DLG2: variants seen among roughly 807,000 people sequenced by gnomAD.
The protein encoded by DLG2 is discs large MAGUK scaffold protein 2.
Under a neutral mutation model 132.5 loss-of-function variants are expected in DLG2, and 45 were observed. The ratio of observed to expected loss-of-function variants is 0.34; its 90% confidence interval spans 0.27 to 0.44. DLG2 has a LOEUF of 0.44. Among genes scored for constraint, DLG2 ranks in the 20% least tolerant of loss-of-function variants. DLG2 has a pLI of 1.00. For missense variants in DLG2, 1,045 were observed against 1,196.9 expected (o/e 0.87, Z 1.87); for synonymous variants, 424 against 419.6 (o/e 1.01, Z -0.13).
intron 10 of DLG2, among the ~76,000 whole-genome samples, chr11:84,086,491 C>CTTTT (rs66719037): frequency 9.0e-6 from 1 of 110,498 alleles, no homozygotes; most frequent in African/African-American, 3.3e-5. Context: ...TTCTTTCTTT[C>CTTTT]TTTTTTTTTT....
chr11:85,156,590 G>A (rs1465504453), intron 4 of DLG2, among the ~76,000 whole-genome samples: 1 of 152,076 alleles, frequency 6.6e-6, no homozygotes, highest in Non-Finnish European at 1.5e-5. Flanking sequence ...ATAAATCAGG[G>A]CAGTCAATCT....
chr11:84,279,244 T>G (rs1382176606), intron 7 of DLG2, among the ~76,000 whole-genome samples: 1 of 152,020 alleles, frequency 6.6e-6, no homozygotes, highest in Non-Finnish European at 1.5e-5. Context: ...ATTAGAGAAA[T>G]GCAAATCAAA....
chr11:84,656,876 C>A (rs75586712), intron 6 of DLG2, among the ~76,000 whole-genome samples: 2 of 152,102 alleles, frequency 1.3e-5, no homozygotes, highest in African/African-American at 4.8e-5. Context: ...TCTCTACCCC[C>A]CAACAAGTTT....
intron 3 of DLG2, among the ~76,000 whole-genome samples, chr11:85,436,936 G>A (rs950703887): frequency 3.3e-5 from 5 of 152,188 alleles, no homozygotes; most frequent in African/African-American, 9.7e-5. Flanking sequence ...TAAAGAAAAT[G>A]TGGTACATAT....
intron 10 of DLG2, among the ~76,000 whole-genome samples, chr11:84,093,448 G>A (rs1026987503): frequency 6.6e-6 from 1 of 152,126 alleles, no homozygotes; most frequent in Non-Finnish European, 1.5e-5. Context: ...ACCAGCCTGA[G>A]AAAAGTCTCC....
At chr11:84,638,129 C>A (rs1157639608) in intron 6 of DLG2, among the ~76,000 whole-genome samples, 1 of 152,188 alleles carries the variant, frequency 6.6e-6, no homozygotes. Context: ...TTGTTCAATT[C>A]ATTGTCTTGA....
intron 3 of DLG2, among the ~76,000 whole-genome samples, chr11:85,454,447 A>G (rs1024411247): frequency 3.3e-5 from 5 of 152,132 alleles, no homozygotes; most frequent in African/African-American, 1.2e-4. Flanking sequence ...TGTCAGATAC[A>G]TAGTTTGCAA....
chr11:85,241,942 T>A (rs1160604670), intron 4 of DLG2, among the ~76,000 whole-genome samples: 1 of 151,998 alleles, frequency 6.6e-6, no homozygotes, highest in Non-Finnish European at 1.5e-5. Context: ...CCATAAATTA[T>A]AGGTTTGTTT....
At chr11:83,843,310 C>A (rs1189324413) in intron 16 of DLG2, among the ~76,000 whole-genome samples, 1 of 152,174 alleles carries the variant, frequency 6.6e-6, no homozygotes. Flanking sequence ...ATCTATCTAA[C>A]GAGGTCCTAC....
intron 7 of DLG2, among the ~76,000 whole-genome samples, chr11:84,274,406 C>T (rs2097765851): frequency 6.6e-6 from 1 of 152,142 alleles, no homozygotes; most frequent in African/African-American, 2.4e-5. Flanking sequence ...AAACTCACAG[C>T]ATAATAAATT....
intron 24 of DLG2, 57 bp downstream of exon 24, chr11:83,471,569 C>A: frequency 7.8e-7 from 1 of 1,288,652 alleles, no homozygotes; most frequent in Non-Finnish European, 1.1e-6. Context: ...TTTACCATCT[C>A]ATAAAGAAAT....
chr11:84,044,754 T>C (rs1018985827), intron 11 of DLG2, among the ~76,000 whole-genome samples: 4 of 151,718 alleles, frequency 2.6e-5, no homozygotes, highest in African/African-American at 9.7e-5. Context: ...CAATCACAAG[T>C]TTCAACTACT....
chr11:84,048,201 G>A (rs12285610), intron 11 of DLG2, among the ~76,000 whole-genome samples: 30,676 of 151,302 alleles, frequency 0.2, 3,586 homozygotes, highest in African/African-American at 0.31. Flanking sequence ...ACAGGAGAGC[G>A]GTAATTTAGC....
intron 6 of DLG2, among the ~76,000 whole-genome samples, chr11:85,064,210 C>T (rs2064529669): frequency 6.6e-6 from 1 of 151,744 alleles, no homozygotes; most frequent in African/African-American, 2.4e-5. Context: ...AGTGAAGAAA[C>T]CATGCTATCA....
intron 6 of DLG2, among the ~76,000 whole-genome samples, chr11:84,877,754 G>C (rs2086613812): frequency 6.6e-6 from 1 of 152,012 alleles, no homozygotes; most frequent in Non-Finnish European, 1.5e-5. Context: ...CATAGCAAAA[G>C]AAACTGTCAT....
chr11:84,780,355 A>G (rs373749090), intron 6 of DLG2, among the ~76,000 whole-genome samples: 2 of 152,118 alleles, frequency 1.3e-5, no homozygotes, highest in African/African-American at 4.8e-5. Context: ...AAATTAAAAA[A>G]CTATACATAG....
At chr11:85,173,097 A>G (rs1436221461) in intron 4 of DLG2, among the ~76,000 whole-genome samples, 1 of 152,166 alleles carries the variant, frequency 6.6e-6, no homozygotes, top group African/African-American at 2.4e-5. Context: ...TCGGGCCAAC[A>G]TTCAAATTCA....
In DLG2 at chr11:84,704,684, T is replaced by C. The variant is rs185027678; in HGVS notation, c.358-169953A>G. On this transcript the variant is annotated intron_variant, in intron 6 of 27. Coordinates refer to ENST00000376104, the MANE Select transcript of DLG2 (RefSeq NM_001142699.3). ...AAAAATATGAAAATATGAATAATTT[T>C]ACTATTCAAATGGCTTAACCATTAT... Among the ~76,000 whole-genome samples, 57 of 151,562 alleles carry C rather than the reference T, an allele frequency of 3.8e-4. No individual in the cohort carries two copies. In the East Asian group the frequency reaches 1.0e-2, roughly 26 times the overall value.
At chr11:84,339,324 T>C (rs1384835018) in intron 7 of DLG2, among the ~76,000 whole-genome samples, 1 of 152,222 alleles carries the variant, frequency 6.6e-6, no homozygotes, top group Non-Finnish European at 1.5e-5. Flanking sequence ...TATTTCGTCA[T>C]ATCCTCAACA....
Sources: allele counts gnomAD v4.1 joint callset (sites outside exome capture counted in the v4.1 genomes callset), GRCh38; gene constraint gnomAD v4.1.1; transcripts MANE v1.5; gene names NCBI Gene and HGNC (gene_info 2026-07-23, HGNC 2026-07-21).